LMBR1: variants seen among roughly 807,000 people sequenced by gnomAD.
The protein encoded by LMBR1 is limb development membrane protein 1.
Under a neutral mutation model 73.9 loss-of-function variants are expected in LMBR1, and 52 were observed. The ratio of observed to expected loss-of-function variants is 0.70; its 90% CI spans 0.56 to 0.89. LMBR1 has a LOEUF of 0.89. Among genes scored for constraint, LMBR1 ranks in the 40% least tolerant of loss-of-function variants. LMBR1 has a pLI of 0.00. For missense variants in LMBR1, 539 were observed against 579.8 expected (o/e 0.93, Z 0.72); for synonymous variants, 215 against 209.4 (o/e 1.03, Z -0.23).
intron 5 of LMBR1, among the ~76,000 whole-genome samples, chr7:156,792,645 T>A (rs1336669066): frequency 6.6e-6 from 1 of 152,252 alleles, no homozygotes; most frequent in Non-Finnish European, 1.5e-5. Context: ...AAGGACATAG[T>A]CAACCCCCCA....
intron 8 of LMBR1, among the ~76,000 whole-genome samples, chr7:156,760,720 A>T (rs892659949): frequency 2.0e-5 from 3 of 152,222 alleles, no homozygotes; most frequent in Admixed American, 6.5e-5. Flanking sequence ...GTATTTACGC[A>T]TTTTTTAAAA....
chr7:156,873,204 T>C (rs533381135), intron 1 of LMBR1, among the ~76,000 whole-genome samples: 1 of 152,118 alleles, frequency 6.6e-6, no homozygotes, highest in South Asian at 2.1e-4. Flanking sequence ...GTTTCTTCCT[T>C]CTGGTGGGTT....
intron 1 of LMBR1, among the ~76,000 whole-genome samples, chr7:156,889,664 G>GT (rs1802553752): frequency 2.0e-5 from 3 of 152,138 alleles, no homozygotes; most frequent in Admixed American, 2.0e-4. Flanking sequence ...TACCAAAACC[G>GT]TTTTCAGGGG....
chr7:156,681,076 T>C lies in LMBR1; in HGVS notation c.*3002A>G, dbSNP rs1804940594. On this transcript the variant is annotated 3_prime_UTR_variant, in exon 17 of 17. Transcript: ENST00000353442. The stretch of plus-strand genomic sequence containing the variant: ...GTTTAAAAAGTCGGTGCTGCATCTA[T>C]GTTCACATTAAAAAAAAAAACTTGT... 1 of 408,454 alleles carries C rather than the reference T, an allele frequency of 2.4e-6. No individual in the cohort carries two copies. The highest frequency in any genetic ancestry group is 1.8e-5 in the South Asian group (1 of 55,014). The allele number at this position is 408,454 out of a possible 1,614,324, so 25.3% of individuals were successfully genotyped here.
chr7:156,769,885 AAC>A (rs771350561), intron 5 of LMBR1, among the ~76,000 whole-genome samples: 7 of 152,134 alleles, frequency 4.6e-5, no homozygotes, highest in Non-Finnish European at 8.8e-5. Context: ...GCTCAGAAGA[AAC>A]ACAACCCTAA....
At chr7:156,755,935 T>C (rs1030061915) in intron 9 of LMBR1, among the ~76,000 whole-genome samples, 2 of 152,222 alleles carry the variant, frequency 1.3e-5, no homozygotes, top group African/African-American at 4.8e-5. Context: ...GATTCTGAAA[T>C]GCAGTTCGTT....
intron 4 of LMBR1, among the ~76,000 whole-genome samples, chr7:156,819,771 T>A (rs1445607119): frequency 6.6e-6 from 1 of 152,112 alleles, no homozygotes; most frequent in African/African-American, 2.4e-5. Context: ...GGTCAGGTAA[T>A]CAGTGGAATT....
rs950345080 is a variant in LMBR1, at chr7:156,789,712, G to A, written c.423+6677C>T. On this transcript the variant is annotated intron_variant, in intron 5 of 16. Coordinates refer to ENST00000353442, the MANE Select transcript of LMBR1 (RefSeq NM_022458.4). ...CTCTCTGGTGAGCTCTTGTCCTGCAGGCCTGTGGTATCCTAATGACTTAAG... is the reference window on the plus strand; with the variant it reads ...CTCTCTGGTGAGCTCTTGTCCTGCAAGCCTGTGGTATCCTAATGACTTAAG... Among the ~76,000 whole-genome samples, 23 of 152,284 alleles carry A rather than the reference G, an allele frequency of 1.5e-4. No individual in the cohort carries two copies. Among genetic ancestry groups the A allele is most frequent in the Middle Eastern group, 3.4e-3 (1 of 294 alleles).
rs1194019914 is a variant in LMBR1 at position 156,680,395 on chromosome 7, A to AGTGTGTGTGTGTGT, written c.*3682_*3683insACACACACACACAC. 137 of 138,162 alleles carry AGTGTGTGTGTGTGT rather than the reference A, an allele frequency of 9.9e-4. No homozygotes were observed. The highest frequency in any genetic ancestry group is 3.9e-3 in the African/African-American group (133 of 34,384). 8.6% of individuals were successfully genotyped at this position (138,162 alleles called of 1,614,324 possible). A position where few individuals can be genotyped will look rare whatever the true frequency, so the allele number is the denominator to read the frequency against. Reference sequence around the variant, plus strand: ...GAGAGACAGAGAGAGAGAGAGAGAGAGAGAGAGAGTGTGTGTGTGTGTGTG... The same window carrying AGTGTGTGTGTGTGT: ...GAGAGACAGAGAGAGAGAGAGAGAGAGTGTGTGTGTGTGTGAGAGAGAGTGTGTGTGTGTGTGTG... On this transcript the variant is annotated 3_prime_UTR_variant, in exon 17 of 17. Coordinates refer to ENST00000353442, the MANE Select transcript of LMBR1 (RefSeq NM_022458.4).
intron 11 of LMBR1, 92 bp from the exon 12 acceptor site, chr7:156,728,099 G>A (rs2132421294): frequency 1.0e-6 from 1 of 978,428 alleles, no homozygotes. Flanking sequence ...TTTCAGAATA[G>A]AGGGAAAGCA....
intron 15 of LMBR1, among the ~76,000 whole-genome samples, chr7:156,713,144 G>T (rs1812433945): frequency 6.6e-6 from 1 of 152,146 alleles, no homozygotes; most frequent in Non-Finnish European, 1.5e-5. Flanking sequence ...TATCTGAAAA[G>T]GTTATATACT....
chr7:156,707,269 A>G (rs1811152369), intron 15 of LMBR1, among the ~76,000 whole-genome samples: 1 of 152,216 alleles, frequency 6.6e-6, no homozygotes, highest in African/African-American at 2.4e-5. Context: ...AGAAAAGCCC[A>G]GGACCAGATG....
intron 1 of LMBR1, among the ~76,000 whole-genome samples, chr7:156,843,386 A>G (rs1839049126): frequency 6.6e-6 from 1 of 152,200 alleles, no homozygotes; most frequent in Admixed American, 6.5e-5. Context: ...GGGTAGGCTG[A>G]TGGACAGGAG....
At chr7:156,815,233 C>A (rs1833731817) in intron 4 of LMBR1, among the ~76,000 whole-genome samples, 2 of 143,480 alleles carry the variant, frequency 1.4e-5, no homozygotes, top group Non-Finnish European at 3.0e-5. Flanking sequence ...ATAACAACAA[C>A]AAAATGATGC....
intron 9 of LMBR1, among the ~76,000 whole-genome samples, chr7:156,752,245 A>G (rs529953661): frequency 1.3e-5 from 2 of 152,338 alleles, no homozygotes; most frequent in South Asian, 2.1e-4. Context: ...TCAAAACAAA[A>G]TGTGAAACCC....
chr7:156,785,499 G>A (rs893079733), intron 5 of LMBR1, among the ~76,000 whole-genome samples: 22 of 152,222 alleles, frequency 1.4e-4, no homozygotes, highest in Admixed American at 4.6e-4. Flanking sequence ...ATTCAGCAGT[G>A]GCTCGCAAAC....
At chr7:156,765,239 G>T (rs563379848) in intron 5 of LMBR1, among the ~76,000 whole-genome samples, 1 of 152,170 alleles carries the variant, frequency 6.6e-6, no homozygotes, top group Non-Finnish European at 1.5e-5. Flanking sequence ...TAATCCCCAT[G>T]TGTCGTGGGA....
intron 1 of LMBR1, among the ~76,000 whole-genome samples, chr7:156,855,948 C>T (rs1796902714): frequency 6.6e-6 from 1 of 152,136 alleles, no homozygotes; most frequent in Admixed American, 6.5e-5. Flanking sequence ...TAAAGGAGAG[C>T]ACTTTGGGAG....
At chr7:156,722,264 G>T (rs1814756509) in intron 15 of LMBR1, among the ~76,000 whole-genome samples, 1 of 152,092 alleles carries the variant, frequency 6.6e-6, no homozygotes, top group African/African-American at 2.4e-5. Context: ...AAATGTCACA[G>T]CTTGGAATCT....
Sources: gnomAD v4.1 joint callset for allele counts (sites outside exome capture counted in the v4.1 genomes callset) on GRCh38, gnomAD v4.1.1 for gene constraint, MANE v1.5 for transcripts, NCBI Gene and HGNC (gene_info 2026-07-23, HGNC 2026-07-21) for gene names.